The following DIS3L2 variants were observed in gnomAD, a reference collection of about 807,000 sequenced individuals.
The protein encoded by DIS3L2 is DIS3-like exonuclease 2.
A neutral mutation model predicts 97.5 loss-of-function variants in DIS3L2; 34 were observed. That is an observed-to-expected ratio of 0.35 (90% confidence interval 0.27 to 0.46). DIS3L2 has a LOEUF of 0.46. DIS3L2 is among the 20% of genes least tolerant of loss of function. DIS3L2 has a pLI of 1.00. For synonymous variants in DIS3L2, 435 were observed against 445.2 expected, an observed-to-expected ratio of 0.98 and a Z score of 0.29; for missense variants, 1,038 against 1,146.0, an observed-to-expected ratio of 0.91 and a Z score of 1.36.
At chr2:232,104,784 A>G (rs957842119) in intron 6 of DIS3L2, among the ~76,000 whole-genome samples, 3 of 152,178 alleles carry the variant, frequency 2.0e-5, no homozygotes, top group African/African-American at 4.8e-5. Context: ...TATATTGTAT[A>G]TACTGAATTC....
rs1460927485 is a variant in DIS3L2, at chr2:232,037,082, C to T, written c.366+7002C>T. Among the ~76,000 whole-genome samples, 1 of 152,258 alleles carries T rather than the reference C, an allele frequency of 6.6e-6. No individual in the cohort carries two copies. The highest frequency in any genetic ancestry group is 6.5e-5 in the Admixed American group (1 of 15,292). The stretch of plus-strand genomic sequence containing the variant: ...GAGCGCTGTGCTGGGAGATCTGCTG[C>T]TCTCTTCAGAGCTGGCAGGCAGGAA... On this transcript the variant is annotated intron_variant, in intron 5 of 20. Coordinates refer to ENST00000325385, the MANE Select transcript of DIS3L2 (RefSeq NM_152383.5). This position sits in a 1 kb window ranked among gnomAD's most constrained non-coding sequence, Gnocchi z 4.6.
intron 10 of DIS3L2, among the ~76,000 whole-genome samples, chr2:232,219,507 T>C (rs1446844538): frequency 1.3e-5 from 2 of 152,178 alleles, no homozygotes; most frequent in Non-Finnish European, 2.9e-5. Flanking sequence ...TCATCCACTT[T>C]CTCTCCTAAA....
At chr2:231,989,409 T>C (rs1693520972) in intron 1 of DIS3L2, among the ~76,000 whole-genome samples, 1 of 151,734 alleles carries the variant, frequency 6.6e-6, no homozygotes, top group Non-Finnish European at 1.5e-5. Flanking sequence ...AGATGAAAAA[T>C]CTTTGGCTAT....
At chr2:232,243,794 C>G (rs1203910647) in intron 11 of DIS3L2, among the ~76,000 whole-genome samples, 1 of 152,270 alleles carries the variant, frequency 6.6e-6, no homozygotes, top group East Asian at 1.9e-4. Context: ...CTTTGCTGTC[C>G]CCTCGGAGAT....
At chr2:232,141,941 T>G (rs2106359948) in intron 8 of DIS3L2, among the ~76,000 whole-genome samples, 1 of 152,282 alleles carries the variant, frequency 6.6e-6, no homozygotes, top group East Asian at 1.9e-4. Context: ...AAACCATGAC[T>G]AGATTGATAG....
At chr2:232,039,621 C>T (rs979823208) in intron 5 of DIS3L2, among the ~76,000 whole-genome samples, 4 of 152,134 alleles carry the variant, frequency 2.6e-5, no homozygotes, top group Non-Finnish European at 5.9e-5. Context: ...TATAACTCTT[C>T]GAAGTTCAGA....
intron 6 of DIS3L2, among the ~76,000 whole-genome samples, chr2:232,119,917 G>A (rs1167215891): frequency 6.6e-6 from 1 of 152,188 alleles, no homozygotes; most frequent in Non-Finnish European, 1.5e-5. Context: ...GGGAAATGGG[G>A]TAGTGAAAGG....
intron 10 of DIS3L2, among the ~76,000 whole-genome samples, chr2:232,230,245 T>C (rs1210866994): frequency 6.6e-6 from 1 of 152,208 alleles, no homozygotes; most frequent in African/African-American, 2.4e-5. Context: ...GAGTTTATTG[T>C]GTGGCCACAA....
intron 14 of DIS3L2, among the ~76,000 whole-genome samples, chr2:232,300,652 CTTTTTT>C (rs35570747): frequency 8.2e-6 from 1 of 121,486 alleles, no homozygotes; most frequent in Admixed American, 8.5e-5. Context: ...TAGACTGCTC[CTTTTTT>C]TTTTTTTTTT....
At chr2:232,241,662 A>C (rs567512886) in intron 11 of DIS3L2, among the ~76,000 whole-genome samples, 1 of 152,234 alleles carries the variant, frequency 6.6e-6, no homozygotes, top group Admixed American at 6.5e-5. Context: ...TTTTGACAAA[A>C]GATGATTCCG....
chr2:232,014,672 C>T (rs569238208), intron 1 of DIS3L2, among the ~76,000 whole-genome samples, 163 bp from the exon 2 acceptor site: 7 of 152,304 alleles, frequency 4.6e-5, no homozygotes, highest in African/African-American at 1.4e-4. Context: ...TGAAAAGAAA[C>T]TTGAGACAGA....
intron 13 of DIS3L2, among the ~76,000 whole-genome samples, chr2:232,287,107 T>C (rs1694454232): frequency 6.6e-6 from 1 of 152,154 alleles, no homozygotes; most frequent in African/African-American, 2.4e-5. Flanking sequence ...AGTTAGACTT[T>C]GAGATCCTCT....
At chr2:232,160,689 C>T (rs1473981944) in intron 8 of DIS3L2, among the ~76,000 whole-genome samples, 3 of 151,808 alleles carry the variant, frequency 2.0e-5, no homozygotes, top group Non-Finnish European at 2.9e-5. Context: ...CCAGCCTGGG[C>T]GACGTGGCAA....
rs1345709338 is a variant in DIS3L2, at chr2:232,333,209, T to G, written c.2011-631T>G. On this transcript the variant is annotated intron_variant, in intron 16 of 20. Transcript: ENST00000325385. Reference sequence around the variant, plus strand: ...CTCCTCCTCCTCCTCCTCCTCCTCCTCCTCCTCCTCCGCTGTCGCCTCCTC... The same window carrying G: ...CTCCTCCTCCTCCTCCTCCTCCTCCGCCTCCTCCTCCGCTGTCGCCTCCTC... 8.5e-4 allele frequency among the ~76,000 whole-genome samples: 42 copies of G among 49,602 alleles called. 1 individual carries two copies. The highest frequency in any genetic ancestry group is 8.3e-3 in the Middle Eastern group (1 of 120). 32.5% of individuals were successfully genotyped at this position (49,602 alleles called of 152,430 possible).
At chr2:232,006,570 G>C (rs915694196) in intron 1 of DIS3L2, among the ~76,000 whole-genome samples, 6 of 152,230 alleles carry the variant, frequency 3.9e-5, no homozygotes, top group African/African-American at 1.4e-4. Flanking sequence ...GGCATTCAAA[G>C]TGCTTGCCGG....
chr2:232,221,324 T>C (rs1406360048), intron 10 of DIS3L2, among the ~76,000 whole-genome samples: 3 of 152,210 alleles, frequency 2.0e-5, no homozygotes. Flanking sequence ...TGTTTATGTT[T>C]CCAGCAGCTA....
At chr2:232,288,582 G>T (rs138280904) in intron 13 of DIS3L2, among the ~76,000 whole-genome samples, 1 of 152,186 alleles carries the variant, frequency 6.6e-6, no homozygotes, top group African/African-American at 2.4e-5. Flanking sequence ...CCCGCTTGGG[G>T]TTATATAACT....
intron 9 of DIS3L2, among the ~76,000 whole-genome samples, chr2:232,203,973 T>C (rs913923627): frequency 3.3e-5 from 5 of 152,122 alleles, no homozygotes; most frequent in Admixed American, 1.3e-4. Flanking sequence ...GCATGCAGTC[T>C]AACTGGAAAA....
Position 232,163,532 on chromosome 2 carries a change from G to T in DIS3L2, c.1024G>T (p.Val342Leu). The change falls in exon 9 of 21, where the codon GTG (valine) becomes TTG (leucine). Residue 342 changes from valine (V) to leucine (L), a missense_variant. Val to Leu is a conservative substitution (Grantham distance 32). Around this residue, in one of 3 missense-constraint regions of DIS3L2, gnomAD observed 813 missense variants for 880.1 expected, o/e 0.92. Transcript: ENST00000325385. The stretch of plus-strand genomic sequence containing the variant: ...AGAAGGAATACTAACAGAGTATGGC[G>T]TGGATTTCTCTGATTTCTCTTCAGA... ...ETEGILTEYG[V>L]DFSDFSSEVL... 1 of 1,614,160 alleles carries T rather than the reference G, an allele frequency of 6.2e-7. No homozygotes were observed. Among genetic ancestry groups the T allele is most frequent in the Non-Finnish European group, 8.5e-7 (1 of 1,180,022 alleles).
Sources: gnomAD v4.1 joint callset for allele counts (sites outside exome capture counted in the v4.1 genomes callset) on GRCh38, gnomAD v4.1.1 for gene constraint, gnomAD v4.1.1 regional missense constraint, Gnocchi (gnomAD v3.1) non-coding constraint, MANE v1.5 for transcripts, NCBI Gene and HGNC (gene_info 2026-07-23, HGNC 2026-07-21) for gene names.